Variants in MGMT observed in about 807,000 individuals in gnomAD.
MGMT encodes methylated-DNA--protein-cysteine methyltransferase.
MGMT carries 14 observed loss-of-function variants against 15.9 expected under a neutral mutation model. The observed-to-expected ratio is 0.88, with a 90% CI of 0.58 to 1.37. The LOEUF is 1.37. Among genes scored for constraint, MGMT ranks in the 40% most tolerant of loss-of-function variants. The pLI, the probability that MGMT is intolerant of heterozygous loss-of-function variation, is 0.00. For synonymous variants in MGMT, 130 were observed against 118.2 expected (o/e 1.10, Z -0.65); for missense variants, 282 against 268.1 (o/e 1.05, Z -0.36).
chr10:129,476,362 T>C (rs1845294285), intron 1 of MGMT, among the ~76,000 whole-genome samples: 1 of 152,210 alleles, frequency 6.6e-6, no homozygotes, highest in Admixed American at 6.5e-5. Context: ...TGTGAGGATC[T>C]TTTGCTCATA....
In MGMT at chr10:129,529,708, A is replaced by T. The variant is rs1009486445; in HGVS notation, c.-12-6533A>T. Reference sequence around the variant, plus strand: ...TTACACCTCAGTTTTTATTCAGAAAAGCATTAACCATCATTTGTTTTGCAT... The same window carrying T: ...TTACACCTCAGTTTTTATTCAGAAATGCATTAACCATCATTTGTTTTGCAT... On this transcript the variant is annotated intron_variant, in intron 1 of 4. Coordinates refer to ENST00000651593, the MANE Select transcript of MGMT (RefSeq NM_002412.5). 5.9e-5 allele frequency among the ~76,000 whole-genome samples: 9 copies of T among 152,198 alleles called. No homozygotes were observed. The East Asian group carries it at 1.7e-3, about 29-fold the overall frequency.
rs1190296423 is a variant in MGMT, at chr10:129,768,297, C to G, written c.*1300C>G. ...ATCCCTTTCTGGCATCAGCCAAAAT[C>G]TCGGTTTTTCCTATGACATGAAGTG... On this transcript the variant is annotated 3_prime_UTR_variant, in exon 5 of 5. Transcript: ENST00000651593. Among the ~76,000 whole-genome samples the G allele has an allele frequency of 6.6e-6, 1 of 152,254 alleles. No individual in the cohort carries two copies. Among genetic ancestry groups the G allele is most frequent in the Non-Finnish European group, 1.5e-5 (1 of 68,052 alleles).
intron 2 of MGMT, among the ~76,000 whole-genome samples, chr10:129,592,692 A>G (rs1488497529): frequency 6.6e-6 from 1 of 152,126 alleles, no homozygotes; most frequent in African/African-American, 2.4e-5. Context: ...AGAGCCCTGT[A>G]TGGAAACAGA....
chr10:129,754,078 C>T (rs1406810259), intron 3 of MGMT, among the ~76,000 whole-genome samples: 6 of 152,240 alleles, frequency 3.9e-5, no homozygotes, highest in East Asian at 1.9e-4. Flanking sequence ...CTGGCAGTGC[C>T]GAATTCTTAC....
At chr10:129,467,345 C>G (rs1418331206) in intron 1 of MGMT, 49 bp downstream of exon 1, 19 of 1,502,860 alleles carry the variant, frequency 1.3e-5, no homozygotes, top group Non-Finnish European at 1.6e-5. Context: ...AGCTCTCCCT[C>G]GGGACGGTGG....
chr10:129,601,824 G>A (rs568166), intron 2 of MGMT, among the ~76,000 whole-genome samples: 58,959 of 152,056 alleles, frequency 0.39, 12,611 homozygotes, highest in East Asian at 0.63. Flanking sequence ...TTGACACTTC[G>A]CAGCAACGTA....
chr10:129,624,485 C>G (rs73388713), intron 2 of MGMT, among the ~76,000 whole-genome samples: 5,454 of 152,100 alleles, frequency 0.036, 251 homozygotes, highest in African/African-American at 0.11. Context: ...TATTCATACT[C>G]GAAATAGGGA....
chr10:129,592,278 G>C (rs1384408885), intron 2 of MGMT, among the ~76,000 whole-genome samples: 1 of 152,218 alleles, frequency 6.6e-6, no homozygotes, highest in Non-Finnish European at 1.5e-5. Context: ...TGAAATCTGA[G>C]TTTCAAGTGA....
chr10:129,596,786 C>T (rs960820072), intron 2 of MGMT, among the ~76,000 whole-genome samples: 4 of 152,198 alleles, frequency 2.6e-5, no homozygotes, highest in African/African-American at 9.7e-5. Context: ...CGGCCCTGCT[C>T]AGGAGTCAGG....
At chr10:129,632,598 A>G (rs1847222611) in intron 2 of MGMT, among the ~76,000 whole-genome samples, 1 of 152,222 alleles carries the variant, frequency 6.6e-6, no homozygotes, top group Non-Finnish European at 1.5e-5. Context: ...CGTGTCAGGC[A>G]CTGTCCTTGG....
intron 2 of MGMT, among the ~76,000 whole-genome samples, chr10:129,601,337 A>C (rs1302072708): frequency 6.6e-6 from 1 of 152,208 alleles, no homozygotes; most frequent in African/African-American, 2.4e-5. Context: ...CAAAAGTTGA[A>C]CAGCAACTGG....
chr10:129,687,791 G>A (rs1481233398), intron 2 of MGMT, among the ~76,000 whole-genome samples: 3 of 151,560 alleles, frequency 2.0e-5, no homozygotes, highest in South Asian at 2.1e-4. Context: ...TTGGTGTGCT[G>A]CACCCATTAA....
chr10:129,768,326 T>G lies in MGMT; in HGVS notation c.*1329T>G, dbSNP rs1333979303. ...GTTTTTCCTATGACATGAAGTGATGTGACTCTTACCCCGTTGTCTTAACTC... is the reference window on the plus strand; with the variant it reads ...GTTTTTCCTATGACATGAAGTGATGGGACTCTTACCCCGTTGTCTTAACTC... On this transcript the variant is annotated 3_prime_UTR_variant, in exon 5 of 5. Transcript: ENST00000651593. 6.6e-6 allele frequency among the ~76,000 whole-genome samples: 1 copy of G among 152,270 alleles called. No homozygotes were observed. The highest frequency in any genetic ancestry group is 1.5e-5 in the Non-Finnish European group (1 of 68,048).
At chr10:129,575,304 T>C (rs1197163238) in intron 2 of MGMT, among the ~76,000 whole-genome samples, 1 of 152,030 alleles carries the variant, frequency 6.6e-6, no homozygotes, top group Non-Finnish European at 1.5e-5. Flanking sequence ...CCTCAGCAAA[T>C]GTAAAAGAAC....
rs570899733 is a variant in MGMT, at chr10:129,672,174, C to T, written c.126-35721C>T. On this transcript the variant is annotated intron_variant, in intron 2 of 4. Transcript: ENST00000651593. Reference sequence around the variant, plus strand: ...CTTAATTGTATCTGTATTTTTATATCATTTGTTATAGGGGTCTAGGTTTCC... The same window carrying T: ...CTTAATTGTATCTGTATTTTTATATTATTTGTTATAGGGGTCTAGGTTTCC... 2.8e-4 allele frequency among the ~76,000 whole-genome samples: 43 copies of T among 152,224 alleles called. 1 individual carries two copies. In the South Asian group the frequency reaches 4.8e-3, roughly 17 times the overall value.
intron 1 of MGMT, among the ~76,000 whole-genome samples, chr10:129,470,470 G>C (rs1042499275): frequency 1.9e-4 from 29 of 152,228 alleles, no homozygotes; most frequent in Non-Finnish European, 1.5e-5. Context: ...GGAATGTAAT[G>C]AATGACTGAC....
chr10:129,496,926 C>T (rs2119668122), intron 1 of MGMT, among the ~76,000 whole-genome samples: 1 of 152,220 alleles, frequency 6.6e-6, no homozygotes, highest in South Asian at 2.1e-4. Flanking sequence ...CTCCTGGCCT[C>T]AAGTGATCCG....
intron 2 of MGMT, among the ~76,000 whole-genome samples, chr10:129,647,529 G>A (rs1475436428): frequency 6.6e-6 from 1 of 152,120 alleles, no homozygotes; most frequent in Non-Finnish European, 1.5e-5. Flanking sequence ...ATAATAAGGG[G>A]CCAGATACGT....
At chr10:129,669,630 GTTAAA>G (rs1334666539) in intron 2 of MGMT, among the ~76,000 whole-genome samples, 1 of 152,156 alleles carries the variant, frequency 6.6e-6, no homozygotes, top group East Asian at 1.9e-4. Context: ...CAATTGCACA[GTTAAA>G]AAGACTTTGA....
Sources: allele counts gnomAD v4.1 joint callset (sites outside exome capture counted in the v4.1 genomes callset), GRCh38; gene constraint gnomAD v4.1.1; transcripts MANE v1.5; gene names NCBI Gene and HGNC (gene_info 2026-07-23, HGNC 2026-07-21).